NRXN3: variants seen among roughly 807,000 people sequenced by gnomAD.
The protein encoded by NRXN3 is neurexin 3.
A neutral mutation model predicts 137.6 loss-of-function variants in NRXN3; 32 were observed. The ratio of observed to expected loss-of-function variants is 0.23; its 90% confidence interval spans 0.18 to 0.31. The LOEUF (loss-of-function observed/expected upper bound fraction) is 0.31, where lower values mean the gene tolerates loss of function less well. Ranked by LOEUF, NRXN3 falls within the 10% of genes least tolerant of loss-of-function variation. The probability of loss-of-function intolerance (pLI) is 1.00; values close to 1 mark genes in which losing one functional copy is unlikely to be tolerated. For synonymous variants in NRXN3, 798 were observed against 784.5 expected (o/e 1.02, Z -0.29); for missense variants, 1,574 against 2,062.5 (o/e 0.76, Z 4.59).
At chr14:78,721,982 AG>A (rs762719160) in intron 8 of NRXN3, among the ~76,000 whole-genome samples, 1 of 151,794 alleles carries the variant, frequency 6.6e-6, no homozygotes, top group Non-Finnish European at 1.5e-5. Context: ...CCTTTCCACA[AG>A]CACAGGGTTT....
intron 16 of NRXN3, among the ~76,000 whole-genome samples, chr14:79,517,896 CTTTTTTTTTTTTTTTTT>C (rs34241975): frequency 1.4e-5 from 1 of 73,354 alleles, no homozygotes; most frequent in African/African-American, 6.7e-5. Flanking sequence ...CCTGACTTTC[CTTTTTTTTTTTTTTTTT>C]TTTTTTTTTT....
intron 8 of NRXN3, among the ~76,000 whole-genome samples, chr14:78,792,379 AG>A (rs1480438853): frequency 6.6e-6 from 1 of 151,920 alleles, no homozygotes; most frequent in African/African-American, 2.4e-5. Context: ...ATATTGCCAG[AG>A]GGAAAGTGCT....
chr14:79,767,404 G>A (rs2099059650), intron 19 of NRXN3, among the ~76,000 whole-genome samples: 1 of 152,062 alleles, frequency 6.6e-6, no homozygotes, highest in African/African-American at 2.4e-5. Flanking sequence ...TTTTTACTCA[G>A]AGAAATCTTC....
rs143051261 is a variant in NRXN3 at position 78,518,740 on chromosome 14, C to A, written c.758-126380C>A. On this transcript the variant is annotated intron_variant, in intron 4 of 20. Transcript: ENST00000335750. ...CTGCTATAAAATGGTGAGATCATAG[C>A]CCATGCCCTAATTGGTTCACAGATG... 4.9e-3 allele frequency among the ~76,000 whole-genome samples: 750 copies of A among 152,158 alleles called. 11 individuals carry two copies. The highest frequency in any genetic ancestry group is 0.017 in the African/African-American group (709 of 41,524).
At chr14:79,246,378 A>C (rs2075185159) in intron 15 of NRXN3, among the ~76,000 whole-genome samples, 1 of 152,120 alleles carries the variant, frequency 6.6e-6, no homozygotes, top group Non-Finnish European at 1.5e-5. Flanking sequence ...GTTAAATACA[A>C]TACCCTTAGT....
intron 19 of NRXN3, among the ~76,000 whole-genome samples, chr14:79,713,772 C>A (rs1182358501): frequency 2.0e-5 from 3 of 149,502 alleles, no homozygotes; most frequent in Non-Finnish European, 4.5e-5. Context: ...ATGTTCATTT[C>A]TTAGCCACCT....
intron 2 of NRXN3, among the ~76,000 whole-genome samples, chr14:78,259,435 G>T (rs1354911289): frequency 1.3e-5 from 2 of 152,104 alleles, no homozygotes; most frequent in East Asian, 1.9e-4. Flanking sequence ...TTTTCTGAGG[G>T]TCTGGCGTAG....
At chr14:78,894,898 C>A (rs1489117282) in intron 10 of NRXN3, among the ~76,000 whole-genome samples, 1 of 146,870 alleles carries the variant, frequency 6.8e-6, no homozygotes, top group East Asian at 2.0e-4. Flanking sequence ...AAAAAAAAAT[C>A]TTTTTTTTTT....
intron 15 of NRXN3, among the ~76,000 whole-genome samples, chr14:79,282,431 G>A (rs919783742): frequency 6.6e-6 from 1 of 152,112 alleles, no homozygotes; most frequent in African/African-American, 2.4e-5. Context: ...AGTTACAGCA[G>A]ATACTAGTAA....
At chr14:78,203,812 GTGTGTGTGTGTGTGTGTGTGTGTGTGGTT>G (rs1158765108) in intron 1 of NRXN3, among the ~76,000 whole-genome samples, 3 of 99,072 alleles carry the variant, frequency 3.0e-5, no homozygotes, top group South Asian at 3.2e-4. Context: ...AGGTGTGTGT[GTGTGTGTGTGTGTGTGTGTGTGTGTGGTT>G]TGTGTGTGTG....
intron 15 of NRXN3, among the ~76,000 whole-genome samples, chr14:79,438,001 C>T (rs948104704): frequency 2.6e-5 from 4 of 152,126 alleles, no homozygotes; most frequent in Admixed American, 1.3e-4. Context: ...TTTGTACCCC[C>T]AGGCCTCAGC....
chr14:79,559,511 C>A (rs1208161974), intron 16 of NRXN3, among the ~76,000 whole-genome samples: 1 of 152,010 alleles, frequency 6.6e-6, no homozygotes, highest in Non-Finnish European at 1.5e-5. Context: ...AGGTGTGTGG[C>A]ACCCCAAAAC....
At chr14:79,239,094 G>A (rs1003443028) in intron 15 of NRXN3, among the ~76,000 whole-genome samples, 9 of 151,962 alleles carry the variant, frequency 5.9e-5, no homozygotes, top group South Asian at 4.1e-4. Context: ...ACATACATGC[G>A]TATATACATA....
chr14:79,643,839 A>G (rs2098442983), intron 16 of NRXN3, among the ~76,000 whole-genome samples: 1 of 135,526 alleles, frequency 7.4e-6, no homozygotes, highest in African/African-American at 2.5e-5. Flanking sequence ...CCCTAGCAGA[A>G]CAACAATTTC....
At chr14:79,468,882 T>C (rs1299091878) in intron 16 of NRXN3, among the ~76,000 whole-genome samples, 2 of 152,154 alleles carry the variant, frequency 1.3e-5, no homozygotes, top group Non-Finnish European at 2.9e-5. Context: ...AACTTTTCAA[T>C]TTTTTCTCAG....
intron 16 of NRXN3, among the ~76,000 whole-genome samples, chr14:79,482,951 A>G (rs1487189505): frequency 6.6e-6 from 1 of 152,192 alleles, no homozygotes; most frequent in Non-Finnish European, 1.5e-5. Context: ...ATGGAACCAC[A>G]TGTTCCCTTT....
chr14:78,996,320 C>T (rs972869739), intron 15 of NRXN3, among the ~76,000 whole-genome samples: 1 of 152,146 alleles, frequency 6.6e-6, no homozygotes, highest in African/African-American at 2.4e-5. Flanking sequence ...AGAACTGAGA[C>T]AGAAAAGTCA....
At chr14:79,669,695 T>A (rs2098595485) in intron 17 of NRXN3, among the ~76,000 whole-genome samples, 1 of 152,048 alleles carries the variant, frequency 6.6e-6, no homozygotes, top group Non-Finnish European at 1.5e-5. Context: ...TCTCAGGGCA[T>A]CTAATTTAAC....
At chr14:79,245,858 A>T (rs1371160249) in intron 15 of NRXN3, among the ~76,000 whole-genome samples, 1 of 152,184 alleles carries the variant, frequency 6.6e-6, no homozygotes, top group Non-Finnish European at 1.5e-5. Context: ...AGAAACACAC[A>T]TAAATTGTTT....
Sources: gnomAD v4.1 joint callset for allele counts (sites outside exome capture counted in the v4.1 genomes callset) on GRCh38, gnomAD v4.1.1 for gene constraint, MANE v1.5 for transcripts, NCBI Gene and HGNC (gene_info 2026-07-23, HGNC 2026-07-21) for gene names.